Variants in MOK observed in about 807,000 individuals in gnomAD.
MOK encodes the protein MOK protein kinase, also known as MAPK/MAK/MRK overlapping kinase.
Under a neutral mutation model 54.2 loss-of-function variants are expected in MOK, and 59 were observed. The observed-to-expected ratio is 1.09, with a 90% CI of 0.88 to 1.35. The LOEUF (loss-of-function observed/expected upper bound fraction) is 1.35, where lower values mean the gene tolerates loss of function less well. Ranked by LOEUF, MOK falls within the 40% of genes most tolerant of loss-of-function variation. The pLI, the probability that MOK is intolerant of heterozygous loss-of-function variation, is 0.00. For synonymous variants in MOK, 210 were observed against 202.7 expected (o/e 1.04, Z -0.31); for missense variants, 517 against 526.2 (o/e 0.98, Z 0.17).
downstream of MOK, chr14:102,223,222 G>T (rs897071208): frequency 1.3e-5 from 2 of 155,972 alleles, no homozygotes; most frequent in African/African-American, 4.8e-5. Context: ...TCTTGGACAA[G>T]AAATCCCCTG....
chr14:102,260,187 A>AG (rs2067271830), intron 4 of MOK, among the ~76,000 whole-genome samples: 1 of 151,770 alleles, frequency 6.6e-6, no homozygotes, highest in African/African-American at 2.4e-5. Flanking sequence ...AAAAAAAAAA[A>AG]AAAAAAAACT....
intron 7 of MOK, among the ~76,000 whole-genome samples, chr14:102,239,563 C>A (rs2153095728): frequency 6.6e-6 from 1 of 152,306 alleles, no homozygotes; most frequent in Non-Finnish European, 1.5e-5. Flanking sequence ...ACCAGGAGAA[C>A]ATGTTTTTCT....
downstream of MOK, chr14:102,225,050 TGAAAA>T (rs2064188617): frequency 3.1e-6 from 1 of 321,742 alleles, no homozygotes; most frequent in East Asian, 8.6e-5. Flanking sequence ...GAACTACTTT[TGAAAA>T]TAAATCTAGA....
At chr14:102,289,653 C>G (rs1489623411) in intron 1 of MOK, among the ~76,000 whole-genome samples, 3 of 152,084 alleles carry the variant, frequency 2.0e-5, no homozygotes, top group Non-Finnish European at 2.9e-5. Flanking sequence ...CCATACCAAG[C>G]TAATTTTTGT....
At position 102,259,047 on chromosome 14, in the gene MOK, C is replaced by T. The variant is rs1255293280; in HGVS notation, c.283+4499G>A. Among the ~76,000 whole-genome samples the T allele has an allele frequency of 8.1e-5, 12 of 148,218 alleles. 1 individual carries two copies. The Admixed American group carries it at 8.1e-4, about 10-fold the overall frequency. ...TGCCATTGCACTCCAGCCTGGGCAACAGAGTGAGACTCCATCTCAAGAAAA... is the reference window on the plus strand; with the variant it reads ...TGCCATTGCACTCCAGCCTGGGCAATAGAGTGAGACTCCATCTCAAGAAAA... On this transcript the variant is annotated intron_variant, in intron 4 of 11. Coordinates refer to ENST00000361847, the MANE Select transcript of MOK (RefSeq NM_014226.3).
intron 2 of MOK, among the ~76,000 whole-genome samples, chr14:102,281,455 C>T (rs1427435415): frequency 1.4e-5 from 2 of 142,972 alleles, no homozygotes; most frequent in African/African-American, 5.2e-5. Context: ...GCTGAGATCA[C>T]ACCACTGCAC....
chr14:102,223,115 A>T, downstream of MOK: 1 of 430,290 alleles, frequency 2.3e-6, no homozygotes, highest in Non-Finnish European at 4.1e-6. Flanking sequence ...AAAAAATAAG[A>T]AATGGAGTTT....
At chr14:102,288,184 A>G (rs1367033346) in intron 1 of MOK, among the ~76,000 whole-genome samples, 1 of 152,226 alleles carries the variant, frequency 6.6e-6, no homozygotes, top group Non-Finnish European at 1.5e-5. Context: ...ACTCCTACAT[A>G]TATGCCTAAG....
intron 2 of MOK, among the ~76,000 whole-genome samples, chr14:102,278,067 A>G (rs1275000628): frequency 6.6e-6 from 1 of 152,100 alleles, no homozygotes; most frequent in Non-Finnish European, 1.5e-5. Context: ...TCTCTCTGCT[A>G]TCTGTCATTT....
intron 1 of MOK, among the ~76,000 whole-genome samples, chr14:102,298,457 G>A (rs1185458601): frequency 1.3e-5 from 2 of 151,916 alleles, no homozygotes; most frequent in South Asian, 2.1e-4. Context: ...ACACCAATCA[G>A]CACCCTGTAT....
At chr14:102,215,276 C>T in the MOK span, among the ~76,000 whole-genome samples, 4 of 152,284 alleles carry the variant, frequency 2.6e-5, no homozygotes, top group South Asian at 2.1e-4. Context: ...ATTGGCGTTT[C>T]GGCTGAGCTG....
chr14:102,263,768 G>T (rs1212534013), intron 3 of MOK, 152 bp from the exon 4 acceptor site: 5 of 458,346 alleles, frequency 1.1e-5, no homozygotes, highest in East Asian at 6.9e-5. Context: ...TAAAGGTTTT[G>T]ATTTTAAATC....
At chr14:102,258,220 C>T (rs998494540) in intron 4 of MOK, among the ~76,000 whole-genome samples, 2 of 152,176 alleles carry the variant, frequency 1.3e-5, no homozygotes, top group African/African-American at 4.8e-5. Flanking sequence ...TCCCATTGAA[C>T]TTAGAGTAAC....
At chr14:102,282,891 T>C (rs1356159511) in intron 2 of MOK, among the ~76,000 whole-genome samples, 1 of 151,356 alleles carries the variant, frequency 6.6e-6, no homozygotes. Context: ...GATCTATACT[T>C]AAAAAAAATA....
intron 1 of MOK, among the ~76,000 whole-genome samples, chr14:102,303,353 C>T (rs571143028): frequency 1.4e-4 from 22 of 152,282 alleles, no homozygotes; most frequent in African/African-American, 5.3e-4. Flanking sequence ...GAAAATCAGA[C>T]AAATCCAAAT....
chr14:102,265,729 G>C, intron 3 of MOK, 94 bp downstream of exon 3: 1 of 1,024,940 alleles, frequency 9.8e-7, no homozygotes, highest in East Asian at 2.5e-5. Flanking sequence ...GAGCTACAAA[G>C]TAAATATTCA....
Position 102,240,094 on chromosome 14 carries a change from A to T in MOK, c.591-6305T>A, listed in dbSNP as rs926023236. On this transcript the variant is annotated intron_variant, in intron 7 of 11. Transcript: ENST00000361847. This position sits in a 1 kb window ranked among gnomAD's most constrained non-coding sequence, Gnocchi z 5.4. ...TGTGAAATTCCTTCTCCTGGCTCAG[A>T]AGCTTCCACACTGAGCACCTTGTGA... is the stretch of plus-strand genomic sequence containing the variant. 6.6e-6 allele frequency among the ~76,000 whole-genome samples: 1 copy of T among 152,048 alleles called. No homozygotes were observed. The highest frequency in any genetic ancestry group is 6.5e-5 in the Admixed American group (1 of 15,274).
intron 3 of MOK, 72 bp downstream of exon 3, chr14:102,265,751 A>T: frequency 1.6e-6 from 2 of 1,258,808 alleles, no homozygotes; most frequent in Non-Finnish European, 2.3e-6. Flanking sequence ...AATGTCTACC[A>T]TGGTTTTCTT....
intron 7 of MOK, among the ~76,000 whole-genome samples, chr14:102,243,375 G>A (rs780159159): frequency 6.6e-6 from 1 of 152,190 alleles, no homozygotes; most frequent in Non-Finnish European, 1.5e-5. Context: ...GTGCAGGGCT[G>A]TGCAGTTGAA....
Sources: allele counts gnomAD v4.1 joint callset (sites outside exome capture counted in the v4.1 genomes callset), GRCh38; gene constraint gnomAD v4.1.1; non-coding constraint Gnocchi (gnomAD v3.1); transcripts MANE v1.5; gene names NCBI Gene and HGNC (gene_info 2026-07-23, HGNC 2026-07-21).